The following ADAMTS6 variants were observed in gnomAD, a reference collection of about 807,000 sequenced individuals.
The protein encoded by ADAMTS6 is ADAM metallopeptidase with thrombospondin type 1 motif 6.
ADAMTS6 carries 23 observed loss-of-function variants against 144.3 expected under a neutral mutation model. The ratio of observed to expected loss-of-function variants is 0.16; its 90% CI spans 0.11 to 0.23. The LOEUF is 0.23. Among genes scored for constraint, ADAMTS6 ranks in the 10% least tolerant of loss-of-function variants. ADAMTS6 has a pLI of 1.00. For synonymous variants in ADAMTS6, 444 were observed against 457.5 expected (o/e 0.97, Z 0.38); for missense variants, 999 against 1,379.6 (o/e 0.72, Z 4.37).
chr5:65,281,012 T>C (rs996724958), intron 11 of ADAMTS6, among the ~76,000 whole-genome samples: 1 of 152,146 alleles, frequency 6.6e-6, no homozygotes, highest in Non-Finnish European at 1.5e-5. Flanking sequence ...CATGTAGGGA[T>C]GTTGTAGGCA....
At chr5:65,413,720 T>A (rs1580649490) in intron 7 of ADAMTS6, among the ~76,000 whole-genome samples, 1 of 152,068 alleles carries the variant, frequency 6.6e-6, no homozygotes, top group African/African-American at 2.4e-5. Flanking sequence ...TAATAAAATA[T>A]AATGTACATT....
Position 65,452,900 on chromosome 5 carries a change from T to C in ADAMTS6, c.650A>G (p.Lys217Arg), listed in dbSNP as rs750386500. ...GGATGTGTCATTCAGCCACCAAGGT[T>C]TGCCACTTCTTGTGAAATCTACAAT... is the stretch of plus-strand genomic sequence containing the variant. ...CGVSDFTRSG[K>R]PWWLNDTSTV... The change falls in exon 5 of 25, where the codon AAA becomes AGA. Residue 217 changes from lysine (K) to arginine (R), a missense_variant. This residue lies in a region of ADAMTS6 where 252 missense variants were observed against 293.7 expected (regional missense o/e 0.86). Transcript: ENST00000381055. 6.2e-7 allele frequency: 1 copy of C among 1,613,346 alleles called. No homozygotes were observed. Among genetic ancestry groups the C allele is most frequent in the Non-Finnish European group, 8.5e-7 (1 of 1,179,670 alleles).
chr5:65,370,557 G>A (rs951331420), intron 7 of ADAMTS6, among the ~76,000 whole-genome samples: 7 of 152,286 alleles, frequency 4.6e-5, no homozygotes, highest in South Asian at 2.1e-4. Flanking sequence ...CAAATACCGC[G>A]CTTTTCCGAC....
chr5:65,240,416 G>A (rs534266846), intron 15 of ADAMTS6, among the ~76,000 whole-genome samples: 2 of 152,256 alleles, frequency 1.3e-5, no homozygotes, highest in Admixed American at 1.3e-4. Context: ...TGTCTCTTAG[G>A]AGGAGTAGGG....
At chr5:65,201,525 G>T (rs902519145) in intron 20 of ADAMTS6, among the ~76,000 whole-genome samples, 1 of 152,122 alleles carries the variant, frequency 6.6e-6, no homozygotes, top group African/African-American at 2.4e-5. Context: ...GTCGGGGGTG[G>T]TTAAGGGCAG....
chr5:65,257,053 C>G (rs528830198), intron 14 of ADAMTS6, among the ~76,000 whole-genome samples: 1 of 129,394 alleles, frequency 7.7e-6, no homozygotes, highest in South Asian at 2.7e-4. Flanking sequence ...TGGTCTTGAA[C>G]TCCTGGACTC....
chr5:65,329,179 CTT>C lies in ADAMTS6; in HGVS notation c.1223+197_1223+198del, dbSNP rs551489852. On this transcript the variant is annotated intron_variant, in intron 9 of 24. Coordinates refer to ENST00000381055, the MANE Select transcript of ADAMTS6 (RefSeq NM_197941.4). ...TGCATTCACCACTGAGGATACTACT[CTT>C]TGAATAACAAAGATTATCTAACAAG... is the stretch of plus-strand genomic sequence containing the variant. Among the ~76,000 whole-genome samples the C allele has an allele frequency of 2.6e-4, 40 of 152,184 alleles. 1 individual carries two copies. The highest frequency in any genetic ancestry group is 4.6e-4 in the Non-Finnish European group (31 of 67,998).
rs557385012 is a variant in ADAMTS6 at position 65,151,227 on chromosome 5, G to T, written c.*609C>A. The T allele has an allele frequency of 4.6e-5, 7 of 152,646 alleles. No individual in the cohort carries two copies. The highest frequency in any genetic ancestry group is 1.7e-4 in the African/African-American group (7 of 41,512). The allele number at this position is 152,646 out of a possible 1,614,324, so 9.5% of individuals were successfully genotyped here. On this transcript the variant is annotated 3_prime_UTR_variant, in exon 25 of 25. Coordinates refer to ENST00000381055, the MANE Select transcript of ADAMTS6 (RefSeq NM_197941.4). ...CTCACAGCAGTGTTCAGAACCAGGG[G>T]ATTATTCCTAAGGAAATTAAGTGGA...
intron 11 of ADAMTS6, among the ~76,000 whole-genome samples, chr5:65,281,765 T>C (rs983471760): frequency 1.3e-5 from 2 of 152,176 alleles, no homozygotes; most frequent in Non-Finnish European, 2.9e-5. Flanking sequence ...AATCATCTAA[T>C]GTAAAATAAC....
rs542838546 is a variant in ADAMTS6, at chr5:65,408,350, T to A, written c.1073+43125A>T. Among the ~76,000 whole-genome samples, 14 of 152,286 alleles carry A rather than the reference T, an allele frequency of 9.2e-5. No homozygotes were observed. In the East Asian group the frequency reaches 2.7e-3, roughly 29 times the overall value. On this transcript the variant is annotated intron_variant, in intron 7 of 24. Transcript: ENST00000381055. The stretch of plus-strand genomic sequence containing the variant: ...CAAAAAAAAGCAGGGGTTGCAATCC[T>A]AGTCTCTGATAAAACAGACTTTAAA...
At chr5:65,163,150 T>A (rs1752892022) in intron 24 of ADAMTS6, among the ~76,000 whole-genome samples, 1 of 152,092 alleles carries the variant, frequency 6.6e-6, no homozygotes, top group South Asian at 2.1e-4. Context: ...GCTCAAGTGA[T>A]CCTCCCAACT....
At chr5:65,395,859 A>G (rs1753290030) in intron 7 of ADAMTS6, among the ~76,000 whole-genome samples, 1 of 152,254 alleles carries the variant, frequency 6.6e-6, no homozygotes, top group Non-Finnish European at 1.5e-5. Context: ...AATAACTTGT[A>G]CTATTAACAA....
At chr5:65,223,625 G>C (rs1757489947) in intron 18 of ADAMTS6, among the ~76,000 whole-genome samples, 2 of 152,002 alleles carry the variant, frequency 1.3e-5, no homozygotes, top group Admixed American at 1.3e-4. Context: ...CCATATTGTT[G>C]CAAATGAATA....
In ADAMTS6 at chr5:65,277,327, T is replaced by C. The variant is rs138083372; in HGVS notation, c.1513-3880A>G. ...AATTCATGGGCACTTCAGAGGAAAA[T>C]GTAGGTTATAGTCAGACATGTAGCC... On this transcript the variant is annotated intron_variant, in intron 11 of 24. Transcript: ENST00000381055. Among the ~76,000 whole-genome samples, 9 of 152,274 alleles carry C rather than the reference T, an allele frequency of 5.9e-5. No individual in the cohort carries two copies. The East Asian group carries it at 1.2e-3, about 20-fold the overall frequency.
intron 22 of ADAMTS6, among the ~76,000 whole-genome samples, chr5:65,178,548 G>GA (rs1009423836): frequency 6.6e-6 from 1 of 152,194 alleles, no homozygotes; most frequent in Non-Finnish European, 1.5e-5. Context: ...GTCAGAAAGA[G>GA]AAAAAAATGG....
At chr5:65,217,706 T>C (rs991769512) in intron 18 of ADAMTS6, among the ~76,000 whole-genome samples, 1 of 152,178 alleles carries the variant, frequency 6.6e-6, no homozygotes, top group African/African-American at 2.4e-5. Flanking sequence ...TGTACCCTTA[T>C]TTTTAAAAGC....
chr5:65,296,943 A>G (rs1451774190), intron 10 of ADAMTS6, among the ~76,000 whole-genome samples: 2 of 152,160 alleles, frequency 1.3e-5, no homozygotes, highest in Non-Finnish European at 2.9e-5. Context: ...TAAGTGGTGG[A>G]AAATGTATGA....
chr5:65,229,999 G>C (rs1266281503), intron 15 of ADAMTS6, among the ~76,000 whole-genome samples: 1 of 151,896 alleles, frequency 6.6e-6, no homozygotes, highest in South Asian at 2.1e-4. Flanking sequence ...GAATTTTGAA[G>C]GCAAGAGAAA....
At chr5:65,306,117 T>G (rs565106319) in intron 9 of ADAMTS6, among the ~76,000 whole-genome samples, 1 of 152,336 alleles carries the variant, frequency 6.6e-6, no homozygotes, top group East Asian at 1.9e-4. Context: ...CTTGTGGAAT[T>G]TGGGGCCAAG....
Sources: allele counts gnomAD v4.1 joint callset (sites outside exome capture counted in the v4.1 genomes callset), GRCh38; gene constraint gnomAD v4.1.1; regional missense constraint gnomAD v4.1.1; transcripts MANE v1.5; gene names NCBI Gene and HGNC (gene_info 2026-07-23, HGNC 2026-07-21).